The following CENPW variants were observed in gnomAD, a reference collection of about 807,000 sequenced individuals.
CENPW encodes centromere protein W.
Under a neutral mutation model 11.1 loss-of-function variants are expected in CENPW, and 3 were observed. That is an observed-to-expected ratio of 0.27 (90% CI 0.12 to 0.70). CENPW has a LOEUF of 0.70. Ranked by LOEUF, CENPW falls within the 30% of genes least tolerant of loss-of-function variation. The pLI is 0.77. For synonymous variants in CENPW, 38 were observed against 42.0 expected (o/e 0.91, Z 0.37); for missense variants, 100 against 105.6 (o/e 0.95, Z 0.23).
chr6:126,408,528 T>A, the CENPW span, among the ~76,000 whole-genome samples: 1 of 152,012 alleles, frequency 6.6e-6, no homozygotes, highest in Non-Finnish European at 1.5e-5. Context: ...GGAGCTACTA[T>A]TCAAGATGAG....
In CENPW at chr6:126,348,495, G is replaced by T. The variant is rs200271936; in HGVS notation, c.*3G>T. The stretch of plus-strand genomic sequence containing the variant: ...TTCTAAAGAAGAGCAGAGGTTAGAA[G>T]TCAAAGAACATATTCTTGAAAGTTA... On this transcript the variant is annotated 3_prime_UTR_variant, in exon 3 of 3. Transcript: ENST00000368328. 6.9e-7 allele frequency: 1 copy of T among 1,447,730 alleles called. No individual in the cohort carries two copies. The highest frequency in any genetic ancestry group is 9.7e-7 in the Non-Finnish European group (1 of 1,031,892). 89.7% of individuals were successfully genotyped at this position (1,447,730 alleles called of 1,614,324 possible). A position where few individuals can be genotyped will look rare whatever the true frequency, so the allele number is the denominator to read the frequency against.
At chr6:126,358,556 C>G in the CENPW span, among the ~76,000 whole-genome samples, 1 of 152,124 alleles carries the variant, frequency 6.6e-6, no homozygotes, top group Admixed American at 6.6e-5. Context: ...AGGAATGAAG[C>G]CTCCTTGATT....
chr6:126,458,206 G>A, the CENPW span, among the ~76,000 whole-genome samples: 1 of 151,154 alleles, frequency 6.6e-6, no homozygotes, highest in East Asian at 2.0e-4. Flanking sequence ...TTTCCCATCA[G>A]CACATGTACA....
the CENPW span, among the ~76,000 whole-genome samples, chr6:126,405,099 T>C: frequency 6.6e-6 from 1 of 152,060 alleles, no homozygotes; most frequent in African/African-American, 2.4e-5. Flanking sequence ...ATAAGACCAA[T>C]GTCCTGTTTT....
At chr6:126,378,581 A>G in the CENPW span, among the ~76,000 whole-genome samples, 10 of 152,052 alleles carry the variant, frequency 6.6e-5, no homozygotes. Flanking sequence ...AAGATACTTT[A>G]TCATACTGCT....
At chr6:126,450,315 G>T in the CENPW span, among the ~76,000 whole-genome samples, 1 of 151,040 alleles carries the variant, frequency 6.6e-6, no homozygotes, top group Non-Finnish European at 1.5e-5. Flanking sequence ...TTGGGGTAAA[G>T]CTCCTGAAGT....
At chr6:126,394,881 ACT>A in the CENPW span, among the ~76,000 whole-genome samples, 1 of 150,664 alleles carries the variant, frequency 6.6e-6, no homozygotes, top group African/African-American at 2.4e-5. Context: ...ATGTCATGCC[ACT>A]CTCTCCTAGC....
chr6:126,349,623 A>G (rs1562381744), downstream of CENPW, among the ~76,000 whole-genome samples: 1 of 152,116 alleles, frequency 6.6e-6, no homozygotes. Context: ...AAGTTGTTAC[A>G]TGTATCAATA....
the CENPW span, among the ~76,000 whole-genome samples, chr6:126,356,833 C>A: frequency 2.6e-5 from 4 of 151,912 alleles, no homozygotes; most frequent in African/African-American, 4.8e-5. Context: ...AGATATTAAA[C>A]CTTTGTTAGA....
At chr6:126,373,953 G>A in the CENPW span, among the ~76,000 whole-genome samples, 1 of 152,178 alleles carries the variant, frequency 6.6e-6, no homozygotes, top group African/African-American at 2.4e-5. Context: ...TGCCTGATTA[G>A]TGGTTTAGGC....
chr6:126,476,254 G>C, the CENPW span, among the ~76,000 whole-genome samples: 3 of 151,966 alleles, frequency 2.0e-5, no homozygotes, highest in Admixed American at 1.3e-4. Flanking sequence ...GAAGCTCAAA[G>C]ATTACATTTT....
chr6:126,450,160 AT>A, the CENPW span, among the ~76,000 whole-genome samples: 1 of 151,170 alleles, frequency 6.6e-6, no homozygotes, highest in African/African-American at 2.4e-5. Context: ...TTGTTTTCTA[AT>A]AAAAAGTTTC....
At chr6:126,465,177 A>T in the CENPW span, among the ~76,000 whole-genome samples, 1 of 152,138 alleles carries the variant, frequency 6.6e-6, no homozygotes, top group Non-Finnish European at 1.5e-5. Flanking sequence ...AAGTCAATAT[A>T]CAAAAATCAA....
intron 1 of CENPW, among the ~76,000 whole-genome samples, chr6:126,341,218 T>G (rs1780301180): frequency 6.6e-6 from 1 of 152,200 alleles, no homozygotes; most frequent in Non-Finnish European, 1.5e-5. Context: ...CAATGAACAC[T>G]ATTTCTCTAG....
the CENPW span, among the ~76,000 whole-genome samples, chr6:126,465,900 T>C: frequency 6.6e-6 from 1 of 152,118 alleles, no homozygotes; most frequent in East Asian, 1.9e-4. Context: ...TATAAGTCTC[T>C]TATTTTACAC....
the CENPW span, among the ~76,000 whole-genome samples, chr6:126,441,025 C>T: frequency 6.6e-6 from 1 of 151,556 alleles, no homozygotes; most frequent in South Asian, 2.1e-4. Flanking sequence ...AGACTAATGT[C>T]ACACTTCTCA....
the CENPW span, among the ~76,000 whole-genome samples, chr6:126,411,755 G>A: frequency 2.0e-5 from 3 of 152,124 alleles, no homozygotes; most frequent in Admixed American, 6.5e-5. Flanking sequence ...TTGGGAACCT[G>A]AGCCAATAGT....
At chr6:126,455,185 ATTGAGGCATGACT>A in the CENPW span, among the ~76,000 whole-genome samples, 2 of 151,348 alleles carry the variant, frequency 1.3e-5, no homozygotes, top group African/African-American at 4.8e-5. Flanking sequence ...ATTCTAAAAA[ATTGAGGCATGACT>A]TCTCCCTAAC....
the CENPW span, among the ~76,000 whole-genome samples, chr6:126,408,901 G>A: frequency 6.6e-6 from 1 of 151,576 alleles, no homozygotes; most frequent in South Asian, 2.1e-4. Context: ...TGTCGTTTAT[G>A]TTTTCAAAAA....
Sources: allele counts gnomAD v4.1 joint callset (sites outside exome capture counted in the v4.1 genomes callset), GRCh38; gene constraint gnomAD v4.1.1; transcripts MANE v1.5; gene names NCBI Gene and HGNC (gene_info 2026-07-23, HGNC 2026-07-21).